The following FAM228B variants were observed in gnomAD, a reference collection of about 807,000 sequenced individuals.
FAM228B encodes the protein family with sequence similarity 228 member B.
In FAM228B, 38 loss-of-function variants were observed where a neutral mutation model predicts 42.6. That is an observed-to-expected ratio of 0.89 (90% CI 0.69 to 1.17). The LOEUF (loss-of-function observed/expected upper bound fraction) is 1.17, where lower values mean the gene tolerates loss of function less well. Among genes scored for constraint, FAM228B ranks in the 50% most tolerant of loss-of-function variants. The pLI, the probability that FAM228B is intolerant of heterozygous loss-of-function variation, is 0.00. For missense variants in FAM228B, 344 were observed against 367.3 expected (o/e 0.94, Z 0.52); for synonymous variants, 109 against 122.3 (o/e 0.89, Z 0.72).
chr2:24,124,341 G>C lies in FAM228B; in HGVS notation c.-21G>C, dbSNP rs564235849. 6.8e-7 allele frequency: 1 copy of C among 1,465,174 alleles called. No individual in the cohort carries two copies. The highest frequency in any genetic ancestry group is 1.4e-5 in the African/African-American group (1 of 70,388). The allele number at this position is 1,465,174 out of a possible 1,614,324, so 90.8% of individuals were successfully genotyped here. ...AAGATGATTTTTAGTTTTTCCAGGG[G>C]CATTGTTATTTGTGACCACAATGAA... On this transcript the variant is annotated 5_prime_UTR_variant, in exon 2 of 11. Coordinates refer to ENST00000615575, the MANE Select transcript of FAM228B (RefSeq NM_001145710.2).
intron 5 of FAM228B, among the ~76,000 whole-genome samples, chr2:24,140,558 A>G (rs1241074278): frequency 6.6e-6 from 1 of 152,190 alleles, no homozygotes; most frequent in African/African-American, 2.4e-5. Flanking sequence ...CATCACAAAC[A>G]CCAGTTTTTT....
intron 7 of FAM228B, among the ~76,000 whole-genome samples, chr2:24,158,386 TAATG>T (rs1438725707): frequency 6.6e-6 from 1 of 152,114 alleles, no homozygotes; most frequent in Non-Finnish European, 1.5e-5. Flanking sequence ...CTTGTCTGTG[TAATG>T]AATGAATGGA....
chr2:24,143,120 C>T (rs770310009), intron 5 of FAM228B, among the ~76,000 whole-genome samples: 7 of 152,076 alleles, frequency 4.6e-5, no homozygotes, highest in South Asian at 4.1e-4. Context: ...CAAATATCCA[C>T]GATGATCTAA....
chr2:24,093,763 C>A (rs1665439741), intron 2 of FAM228B, among the ~76,000 whole-genome samples: 1 of 151,830 alleles, frequency 6.6e-6, no homozygotes, highest in Non-Finnish European at 1.5e-5. Flanking sequence ...ACTACAGGGG[C>A]CCACCACCTA....
At position 24,080,489 on chromosome 2, in the gene FAM228B, C is replaced by T. The variant is rs1664950250; in HGVS notation, c.-289-387C>T. ...CAACCCTACCATGGCTGGCTCCAAA[C>T]TGGTCTCTGCCTCCAAGCCTCCTGT... On this transcript the variant is annotated intron_variant, in intron 1 of 10. Transcript: ENST00000613899. This position sits in a 1 kb window ranked among gnomAD's most constrained non-coding sequence, Gnocchi z 4.7. Among the ~76,000 whole-genome samples the T allele has an allele frequency of 6.6e-6, 1 of 152,232 alleles. No individual in the cohort carries two copies. Among genetic ancestry groups the T allele is most frequent in the African/African-American group, 2.4e-5 (1 of 41,460 alleles).
In FAM228B at chr2:24,091,990, G is replaced by A. The variant is rs540726397; in HGVS notation, c.-209-3151G>A. Among the ~76,000 whole-genome samples the A allele has an allele frequency of 3.3e-5, 5 of 152,174 alleles. No homozygotes were observed. In the South Asian group the frequency reaches 1.0e-3, roughly 32 times the overall value. Reference sequence around the variant, plus strand: ...CTCACATCTGTAATCCCAGCACTTTGGGAGGCCGAGGTGGGCAGATCACTT... The same window carrying A: ...CTCACATCTGTAATCCCAGCACTTTAGGAGGCCGAGGTGGGCAGATCACTT... On this transcript the variant is annotated intron_variant, in intron 2 of 10. Coordinates refer to the FAM228B transcript ENST00000613899.
At chr2:24,097,787 T>C (rs972225927) in intron 3 of FAM228B, among the ~76,000 whole-genome samples, 1 of 152,192 alleles carries the variant, frequency 6.6e-6, no homozygotes, top group Non-Finnish European at 1.5e-5. Context: ...GCAGACCTAA[T>C]AGACATCTAC....
In FAM228B at chr2:24,164,239, A is replaced by C. The variant is rs764461573; in HGVS notation, c.836A>C (p.Tyr279Ser). 2 of 1,551,296 alleles carry C rather than the reference A, an allele frequency of 1.3e-6. No individual in the cohort carries two copies. The highest frequency in any genetic ancestry group is 2.4e-5 in the South Asian group (2 of 84,038). The change falls in exon 9 of 11, where the codon TAT becomes TCT. Residue 279 changes from tyrosine to serine, a missense_variant. Coordinates refer to ENST00000615575, the MANE Select transcript of FAM228B (RefSeq NM_001145710.2). Reference protein sequence around the residue: ...SSFLEREPLCYQEGNNPSAKE... With the variant: ...SSFLEREPLCSQEGNNPSAKE... ...TTTCTAGAAAGAGAACCGCTGTGCT[A>C]TCAGGAGGGAAATAATCCAAGTGCC...
intron 3 of FAM228B, among the ~76,000 whole-genome samples, chr2:24,114,185 A>T (rs1168701057): frequency 6.6e-6 from 1 of 152,192 alleles, no homozygotes; most frequent in Non-Finnish European, 1.5e-5. Flanking sequence ...AAAGGACCTA[A>T]GATTTGATTT....
In FAM228B at chr2:24,115,707, G is replaced by A. The variant is rs537173612; in HGVS notation, c.-120-19412G>A. On this transcript the variant is annotated intron_variant, in intron 3 of 10. Coordinates refer to the FAM228B transcript ENST00000613899. ...TTTATTATTCCACAAACATTGCCAG[G>A]TGACTGCCATGTGCTAGGCACTGTG... 9 of 1,363,840 alleles carry A rather than the reference G, an allele frequency of 6.6e-6. 1 individual carries two copies. In the East Asian group the frequency reaches 2.1e-4, roughly 31 times the overall value. 84.5% of individuals were successfully genotyped at this position (1,363,840 alleles called of 1,614,324 possible).
chr2:24,083,056 G>A (rs868836381), intron 2 of FAM228B: 2 of 1,614,176 alleles, frequency 1.2e-6, no homozygotes, highest in Middle Eastern at 3.3e-4. Flanking sequence ...ATCTTCCAGT[G>A]TCCCTGGCAG....
intron 3 of FAM228B, among the ~76,000 whole-genome samples, chr2:24,110,489 G>T (rs986982149): frequency 1.3e-5 from 2 of 152,172 alleles, no homozygotes; most frequent in African/African-American, 2.4e-5. Flanking sequence ...TCATATAGCC[G>T]ATGATTCAGT....
Position 24,084,451 on chromosome 2 carries a change from T to G in FAM228B, c.-210+3496T>G. 8.0e-7 allele frequency: 1 copy of G among 1,255,808 alleles called. No individual in the cohort carries two copies. The highest frequency in any genetic ancestry group is 2.9e-5 in the East Asian group (1 of 34,414). The allele number at this position is 1,255,808 out of a possible 1,614,324, so 77.8% of individuals were successfully genotyped here. On this transcript the variant is annotated intron_variant, in intron 2 of 10. Transcript: ENST00000613899. This position sits in a 1 kb window ranked among gnomAD's most constrained non-coding sequence, Gnocchi z 8.4. ...TGTATCCTCGCGGAGCAGCCCAGCC[T>G]CAGGCTGGCACCGCAGCGCCCCCTG...
At chr2:24,145,687 A>G (rs1666876623) in intron 5 of FAM228B, among the ~76,000 whole-genome samples, 1 of 149,074 alleles carries the variant, frequency 6.7e-6, no homozygotes, top group African/African-American at 2.5e-5. Flanking sequence ...CCTGAAAATG[A>G]TAGTACCTTT....
At chr2:24,139,095 T>G (rs1666686260) in intron 4 of FAM228B, among the ~76,000 whole-genome samples, 1 of 152,240 alleles carries the variant, frequency 6.6e-6, no homozygotes, top group African/African-American at 2.4e-5. Context: ...GATGTTTGAC[T>G]AGTAAGCATT....
At chr2:24,108,719 G>A (rs1327816801) in intron 3 of FAM228B, among the ~76,000 whole-genome samples, 1 of 151,876 alleles carries the variant, frequency 6.6e-6, no homozygotes, top group Non-Finnish European at 1.5e-5. Context: ...AGCTAACACG[G>A]TGAAACCCTG....
At chr2:24,078,032 T>C (rs1664835354) in intron 1 of FAM228B, among the ~76,000 whole-genome samples, 1 of 152,224 alleles carries the variant, frequency 6.6e-6, no homozygotes, top group African/African-American at 2.4e-5. Context: ...TGTCTCTTCT[T>C]GCATGTAGCA....
chr2:24,147,668 T>A (rs1256430245), intron 7 of FAM228B, among the ~76,000 whole-genome samples: 1 of 152,184 alleles, frequency 6.6e-6, no homozygotes, highest in East Asian at 1.9e-4. Flanking sequence ...CCTGTGCCCA[T>A]CAAAGGAACT....
intron 2 of FAM228B, among the ~76,000 whole-genome samples, chr2:24,092,928 AC>A (rs1665420787): frequency 7.3e-6 from 1 of 137,122 alleles, no homozygotes; most frequent in African/African-American, 2.9e-5. Flanking sequence ...TTTTATGCAC[AC>A]ACACACACAC....
Sources: gnomAD v4.1 joint callset for allele counts (sites outside exome capture counted in the v4.1 genomes callset) on GRCh38, gnomAD v4.1.1 for gene constraint, Gnocchi (gnomAD v3.1) non-coding constraint, MANE v1.5 for transcripts, NCBI Gene and HGNC (gene_info 2026-07-23, HGNC 2026-07-21) for gene names.